Variants in SPTLC1 observed in about 807,000 individuals in gnomAD.
SPTLC1 encodes the protein serine palmitoyltransferase long chain base subunit 1.
A neutral mutation model predicts 68.9 loss-of-function variants in SPTLC1; 55 were observed. That is an observed-to-expected ratio of 0.80 (90% confidence interval 0.64 to 1.00). The LOEUF is 1.00. Ranked by LOEUF, SPTLC1 falls within the 50% of genes least tolerant of loss-of-function variation. SPTLC1 has a pLI of 0.00. For missense variants in SPTLC1, 449 were observed against 573.1 expected, an observed-to-expected ratio of 0.78 and a Z score of 2.21; for synonymous variants, 197 against 201.6, an observed-to-expected ratio of 0.98 and a Z score of 0.19.
At chr9:92,085,130 CT>C (rs1314174318) in intron 3 of SPTLC1, among the ~76,000 whole-genome samples, 1 of 151,262 alleles carries the variant, frequency 6.6e-6, no homozygotes, top group African/African-American at 2.4e-5. Flanking sequence ...ATTCTTCTCT[CT>C]TTTTTTCTTT....
At chr9:92,053,548 G>A (rs1002913304) in intron 8 of SPTLC1, among the ~76,000 whole-genome samples, 11 of 152,186 alleles carry the variant, frequency 7.2e-5, no homozygotes, top group Non-Finnish European at 8.8e-5. Context: ...AAAACAAAAC[G>A]TGGTATTATC....
At chr9:92,078,379 G>C (rs1485453375) in intron 5 of SPTLC1, among the ~76,000 whole-genome samples, 1 of 152,178 alleles carries the variant, frequency 6.6e-6, no homozygotes, top group Non-Finnish European at 1.5e-5. Flanking sequence ...CATTAGACTA[G>C]AGGAAAGTGG....
At chr9:92,050,738 G>T (rs1833675748) in intron 8 of SPTLC1, among the ~76,000 whole-genome samples, 1 of 151,756 alleles carries the variant, frequency 6.6e-6, no homozygotes. Context: ...ATATAAGTAG[G>T]GTGAATGATG....
rs1415496089 is a variant in SPTLC1 at position 92,045,922 on chromosome 9, G to A, written c.1136+77C>T. The stretch of plus-strand genomic sequence containing the variant: ...ATCTGGTCAAACTGACCCAAGCCTA[G>A]AAATTTAAAACTTTCCATTAGTTGT... On this transcript the variant is annotated intron_variant, in intron 12 of 14. Transcript: ENST00000262554. 2.8e-6 allele frequency: 4 copies of A among 1,403,812 alleles called. No individual in the cohort carries two copies. In the East Asian group the frequency reaches 9.4e-5, roughly 33 times the overall value. 87.0% of individuals were successfully genotyped at this position (1,403,812 alleles called of 1,614,324 possible). A position where few individuals can be genotyped will look rare whatever the true frequency, so the allele number is the denominator to read the frequency against.
At chr9:92,105,880 C>A (rs1418115628) in intron 3 of SPTLC1, among the ~76,000 whole-genome samples, 1 of 148,896 alleles carries the variant, frequency 6.7e-6, no homozygotes, top group African/African-American at 2.5e-5. Context: ...CTCTGCCTTG[C>A]CGCCGTCCTG....
chr9:92,068,957 A>C (rs74650725), intron 5 of SPTLC1, among the ~76,000 whole-genome samples: 7,663 of 152,212 alleles, frequency 0.05, 257 homozygotes, highest in Middle Eastern at 0.065. Context: ...AGCTCTTTTA[A>C]CTATGGCAGG....
intron 5 of SPTLC1, chr9:92,070,229 G>A (rs1834430662): frequency 6.6e-6 from 1 of 152,172 alleles, no homozygotes; most frequent in Non-Finnish European, 1.5e-5. Flanking sequence ...TTTTGTGACA[G>A]GTAAATATGG....
intron 3 of SPTLC1, chr9:92,108,180 T>C (rs1836075282): frequency 6.3e-6 from 1 of 158,400 alleles, no homozygotes; most frequent in Non-Finnish European, 1.4e-5. Context: ...ACTTTCTATA[T>C]TCTTACTGTA....
Position 92,086,136 on chromosome 9 carries a change from C to G in SPTLC1, c.261-5173G>C, listed in dbSNP as rs868047188. Among the ~76,000 whole-genome samples, 126 of 152,038 alleles carry G rather than the reference C, an allele frequency of 8.3e-4. 1 individual carries two copies. The highest frequency in any genetic ancestry group is 2.8e-3 in the African/African-American group (117 of 41,402). On this transcript the variant is annotated intron_variant, in intron 3 of 14. Transcript: ENST00000262554. ...CCTTTTATTTTGAGCCTATGTGTGT[C>G]TCTGCACGTGAGATGGGTTTCCTGA...
intron 6 of SPTLC1, among the ~76,000 whole-genome samples, chr9:92,063,758 C>A (rs529953349): frequency 6.6e-6 from 1 of 152,150 alleles, no homozygotes; most frequent in East Asian, 1.9e-4. Context: ...AGAAAAATCA[C>A]ATGATCATAT....
At chr9:92,086,742 A>G (rs1835151688) in intron 3 of SPTLC1, among the ~76,000 whole-genome samples, 1 of 151,964 alleles carries the variant, frequency 6.6e-6, no homozygotes, top group Non-Finnish European at 1.5e-5. Flanking sequence ...CTTCTCAAGG[A>G]GTATCTTTGT....
At chr9:92,056,470 C>T (rs1261459056) in intron 7 of SPTLC1, among the ~76,000 whole-genome samples, 1 of 152,192 alleles carries the variant, frequency 6.6e-6, no homozygotes, top group African/African-American at 2.4e-5. Flanking sequence ...CTCTTGATTA[C>T]TGACCTCGGC....
chr9:92,099,653 G>A (rs1040790424), intron 3 of SPTLC1, among the ~76,000 whole-genome samples: 1 of 151,580 alleles, frequency 6.6e-6, no homozygotes, highest in Non-Finnish European at 1.5e-5. Context: ...CTAATTTTTT[G>A]GATTCTTTGG....
intron 8 of SPTLC1, among the ~76,000 whole-genome samples, chr9:92,051,577 C>G (rs1833705525): frequency 6.6e-6 from 1 of 152,200 alleles, no homozygotes; most frequent in South Asian, 2.1e-4. Flanking sequence ...CAAAGATGCT[C>G]ATTTTCGCCA....
At chr9:92,047,509 TGTGTGATAAAC>T in intron 10 of SPTLC1, 93 bp downstream of exon 10, 5 of 794,570 alleles carry the variant, frequency 6.3e-6, no homozygotes, top group Non-Finnish European at 1.1e-5. Context: ...AAATAAAAAT[TGTGTGATAAAC>T]TAAGTAAAAT....
intron 5 of SPTLC1, among the ~76,000 whole-genome samples, chr9:92,073,960 T>C (rs1359712997): frequency 6.6e-6 from 1 of 152,212 alleles, no homozygotes; most frequent in Non-Finnish European, 1.5e-5. Flanking sequence ...TTCTAAGCCA[T>C]GCCCCTGTGT....
intron 12 of SPTLC1, among the ~76,000 whole-genome samples, chr9:92,045,490 T>A (rs1587912179): frequency 5.8e-5 from 1 of 17,228 alleles, no homozygotes; most frequent in African/African-American, 2.5e-4. Context: ...AAACTTAAAG[T>A]ATAATAAAAA....
intron 3 of SPTLC1, 75 bp from the exon 4 acceptor site, chr9:92,081,038 CACA>C (rs1834867805): frequency 8.9e-7 from 1 of 1,126,922 alleles, no homozygotes; most frequent in African/African-American, 1.5e-5. Flanking sequence ...TGGTGGTAGG[CACA>C]ACAACATAGT....
chr9:92,104,697 TAG>T, intron 3 of SPTLC1: 1 of 1,527,872 alleles, frequency 6.5e-7, no homozygotes. Context: ...AAAGACCAGG[TAG>T]AGACCCAGGG....
Sources: gnomAD v4.1 joint callset for allele counts (sites outside exome capture counted in the v4.1 genomes callset) on GRCh38, gnomAD v4.1.1 for gene constraint, MANE v1.5 for transcripts, NCBI Gene and HGNC (gene_info 2026-07-23, HGNC 2026-07-21) for gene names.